The following TTC8 variants were observed in gnomAD, a reference collection of about 807,000 sequenced individuals.
TTC8 encodes the protein tetratricopeptide repeat protein 8.
TTC8 carries 47 observed loss-of-function variants against 72.5 expected under a neutral mutation model. The ratio of observed to expected loss-of-function variants is 0.65; its 90% CI spans 0.51 to 0.83. TTC8 has a LOEUF of 0.83. Ranked by LOEUF, TTC8 falls within the 40% of genes least tolerant of loss-of-function variation. TTC8 has a pLI of 0.00. For missense variants in TTC8, 611 were observed against 623.2 expected (o/e 0.98, Z 0.21); for synonymous variants, 199 against 221.4 (o/e 0.90, Z 0.90).
chr14:88,850,589 A>T (rs749498238), intron 7 of TTC8, among the ~76,000 whole-genome samples: 2 of 152,168 alleles, frequency 1.3e-5, no homozygotes, highest in Non-Finnish European at 2.9e-5. Context: ...GCTACTCAGG[A>T]GGCTGAGGCA....
chr14:88,856,453 A>G (rs1007321102), intron 8 of TTC8, among the ~76,000 whole-genome samples: 3 of 152,210 alleles, frequency 2.0e-5, no homozygotes, highest in Non-Finnish European at 4.4e-5. Context: ...CAGATAGCTA[A>G]AAAATGAGTG....
At chr14:88,839,424 A>G (rs750183643) in intron 2 of TTC8, 28 bp from the exon 3 acceptor site, 17 of 1,609,986 alleles carry the variant, frequency 1.1e-5, no homozygotes, top group East Asian at 4.5e-5. Flanking sequence ...CTATTTTAAT[A>G]TATGTTTTAT....
chr14:88,879,146 A>G (rs1172107704), downstream of TTC8: 1 of 152,198 alleles, frequency 6.6e-6, no homozygotes, highest in Admixed American at 6.5e-5. Context: ...TCTTGAATTT[A>G]TGTGAATTCA....
chr14:88,859,834 T>C (rs1384240918), intron 9 of TTC8, among the ~76,000 whole-genome samples: 1 of 104,066 alleles, frequency 9.6e-6, no homozygotes, highest in Non-Finnish European at 2.4e-5. Flanking sequence ...TATAAACATA[T>C]AAAAATAATA....
In TTC8 at chr14:88,835,968, T is replaced by C. The variant is rs192647974; in HGVS notation, c.144+2246T>C. Among the ~76,000 whole-genome samples, 220 of 152,250 alleles carry C rather than the reference T, an allele frequency of 1.4e-3. 3 individuals carry two copies. The South Asian group carries it at 0.022, about 15-fold the overall frequency. The stretch of plus-strand genomic sequence containing the variant: ...TCTGATGTTTAATCAAGCAGTGATA[T>C]GTGATTTTCAAGGTCATTTTTGTTA... On this transcript the variant is annotated intron_variant, in intron 2 of 14. Transcript: ENST00000380656.
chr14:88,837,336 C>T (rs768401972), intron 2 of TTC8, among the ~76,000 whole-genome samples: 35 of 152,308 alleles, frequency 2.3e-4, no homozygotes, highest in African/African-American at 8.2e-4. Context: ...TTCTTCACTT[C>T]TACCCTTCCT....
At chr14:88,862,085 A>G (rs10131962) in intron 10 of TTC8, among the ~76,000 whole-genome samples, 76,880 of 151,912 alleles carry the variant, frequency 0.51, 21,431 homozygotes, top group African/African-American at 0.75. Flanking sequence ...ATACTACTTT[A>G]CATTCCCATC....
intron 14 of TTC8, 39 bp downstream of exon 14, chr14:88,875,148 CT>C (rs754605896): frequency 6.4e-5 from 95 of 1,491,404 alleles, no homozygotes; most frequent in Admixed American, 2.2e-4. Context: ...CTGATCTGTT[CT>C]TTTTTTTTCT....
chr14:88,871,716 T>C lies in TTC8; in HGVS notation c.1217T>C (p.Val406Ala). 1.2e-6 allele frequency: 2 copies of C among 1,614,110 alleles called. No individual in the cohort carries two copies. The highest frequency in any genetic ancestry group is 1.3e-5 in the African/African-American group (1 of 75,046). The change falls in exon 12 of 15, where the codon GTA (valine) becomes GCA (alanine). Residue 406 changes from valine to alanine, a missense_variant. Val to Ala is a moderately conservative substitution (Grantham distance 64). Transcript: ENST00000380656. The surrounding 1 kb of genome is among the most constrained non-coding windows in gnomAD (Gnocchi z 4.1). ...GATGTCTGGTACAACTTGGGACATGTAGCTGTGGTATGTTGTCTTACTGAT... is the reference window on the plus strand; with the variant it reads ...GATGTCTGGTACAACTTGGGACATGCAGCTGTGGTATGTTGTCTTACTGAT... The part of the protein sequence containing the change: ...AADVWYNLGH[V>A]AVGIGDTNLA...
intron 1 of TTC8, among the ~76,000 whole-genome samples, chr14:88,828,634 T>TA (rs1337886295): frequency 1.3e-5 from 2 of 152,236 alleles, no homozygotes; most frequent in Non-Finnish European, 2.9e-5. Context: ...AGTTTTTGTT[T>TA]TTAATAATGT....
chr14:88,846,578 A>AC, intron 7 of TTC8: 1 of 1,315,690 alleles, frequency 7.6e-7, no homozygotes, highest in South Asian at 1.3e-5. Context: ...GGTCATGGTG[A>AC]CAATGTTTTT....
chr14:88,869,493 C>T (rs2094924594), intron 10 of TTC8, among the ~76,000 whole-genome samples: 1 of 151,716 alleles, frequency 6.6e-6, no homozygotes, highest in South Asian at 2.1e-4. Context: ...GGATTTCTCT[C>T]AACTAGAAAA....
At chr14:88,830,543 C>T (rs1260795962) in intron 1 of TTC8, among the ~76,000 whole-genome samples, 2 of 152,142 alleles carry the variant, frequency 1.3e-5, no homozygotes, top group African/African-American at 2.4e-5. Flanking sequence ...TATTATTAGT[C>T]CTTAAGATTC....
chr14:88,866,435 A>G (rs1197821377), intron 10 of TTC8, among the ~76,000 whole-genome samples: 2 of 151,494 alleles, frequency 1.3e-5, no homozygotes, highest in Non-Finnish European at 2.9e-5. Context: ...ATTCTCATCT[A>G]TTTAGTCAAG....
chr14:88,848,527 T>C (rs2094819174), intron 7 of TTC8, among the ~76,000 whole-genome samples: 1 of 152,184 alleles, frequency 6.6e-6, no homozygotes, highest in South Asian at 2.1e-4. Flanking sequence ...ATTGTAACTT[T>C]AGATATAGTG....
rs771410392 is a variant in TTC8, at chr14:88,857,190, G to A, written c.711G>A (p.Arg237=). The A allele has an allele frequency of 1.9e-6, 3 of 1,613,664 alleles. No individual in the cohort carries two copies. The highest frequency in any genetic ancestry group is 2.5e-6 in the Non-Finnish European group (3 of 1,179,786). Residue 237 remains arginine, a splice_region_variant and synonymous_variant, in exon 9 of 15, where the codon AGG becomes AGA. Coordinates refer to ENST00000380656, the MANE Select transcript of TTC8 (RefSeq NM_144596.4). ...TAATTCTTAAAATTGCTATTTGTAG[G>A]TTGGGAATGTATCGTGAAGCAGAAA... ...WKVQIGKCYY[R]LGMYREAEKQ...
rs2094951083 is a variant in TTC8 at position 88,875,026 on chromosome 14, G to A, written c.1348G>A (p.Ala450Thr). The A allele has an allele frequency of 6.2e-7, 1 of 1,610,706 alleles. No homozygotes were observed. The highest frequency in any genetic ancestry group is 8.5e-7 in the Non-Finnish European group (1 of 1,178,748). The change falls in exon 14 of 15, where the codon GCA becomes ACA. Residue 450 changes from alanine (A) to threonine (T), a missense_variant and splice_region_variant. Ala to Thr is a moderately conservative substitution (Grantham distance 58). Coordinates refer to ENST00000380656, the MANE Select transcript of TTC8 (RefSeq NM_144596.4). ...LEMRKGHVEQ[A>T]RALLQTASSL... The stretch of plus-strand genomic sequence containing the variant: ...TTCTTTTCTTTATTTTTATACACAG[G>A]CAAGGGCACTATTACAAACTGCATC...
intron 10 of TTC8, among the ~76,000 whole-genome samples, chr14:88,867,587 G>A (rs755056435): frequency 6.6e-5 from 10 of 152,066 alleles, no homozygotes; most frequent in East Asian, 5.8e-4. Context: ...ATTTTGTACC[G>A]TTTTGTAAGG....
rs1389456493 is a variant in TTC8, at chr14:88,839,446, T to G, written c.145-6T>G. On this transcript the variant is annotated splice_region_variant and splice_polypyrimidine_tract_variant and intron_variant, in intron 2 of 14. Coordinates refer to ENST00000380656, the MANE Select transcript of TTC8 (RefSeq NM_144596.4). ...AATATATGTTTTATTTATCCATGGGTTTTAGGCAGCTTGGATCTTAAAAGC... is the reference window on the plus strand; with the variant it reads ...AATATATGTTTTATTTATCCATGGGGTTTAGGCAGCTTGGATCTTAAAAGC... 1 of 1,612,718 alleles carries G rather than the reference T, an allele frequency of 6.2e-7. No individual in the cohort carries two copies. The highest frequency in any genetic ancestry group is 8.5e-7 in the Non-Finnish European group (1 of 1,179,234).
Sources: gnomAD v4.1 joint callset for allele counts (sites outside exome capture counted in the v4.1 genomes callset) on GRCh38, gnomAD v4.1.1 for gene constraint, Gnocchi (gnomAD v3.1) non-coding constraint, MANE v1.5 for transcripts, NCBI Gene and HGNC (gene_info 2026-07-23, HGNC 2026-07-21) for gene names.